ARHGAP32: variants seen among roughly 807,000 people sequenced by gnomAD.
The protein encoded by ARHGAP32 is Rho GTPase activating protein 32.
In ARHGAP32, 51 loss-of-function variants were observed where a neutral mutation model predicts 186.5. The observed-to-expected ratio is 0.27, with a 90% confidence interval of 0.22 to 0.35. The LOEUF (loss-of-function observed/expected upper bound fraction) is 0.35, where lower values mean the gene tolerates loss of function less well. Among genes scored for constraint, ARHGAP32 ranks in the 10% least tolerant of loss-of-function variants. The pLI is 1.00. For synonymous variants in ARHGAP32, 950 were observed against 964.3 expected (o/e 0.99, Z 0.27); for missense variants, 2,186 against 2,623.5 (o/e 0.83, Z 3.64).
At chr11:129,270,612 C>T (rs10894016) in intron 1 of ARHGAP32, among the ~76,000 whole-genome samples, 30,729 of 150,976 alleles carry the variant, frequency 0.2, 3,261 homozygotes, top group East Asian at 0.24. Context: ...AACAAATATG[C>T]GACTCTGATG....
chr11:129,142,586 T>TA (rs1221763992), intron 2 of ARHGAP32, among the ~76,000 whole-genome samples: 1 of 151,884 alleles, frequency 6.6e-6, no homozygotes, highest in East Asian at 1.9e-4. Flanking sequence ...TTAAGAACAA[T>TA]AAAACATCTG....
chr11:129,192,444 T>C (rs1944289129), upstream of ARHGAP32, among the ~76,000 whole-genome samples: 1 of 152,164 alleles, frequency 6.6e-6, no homozygotes, highest in Non-Finnish European at 1.5e-5. Context: ...GTGACCTACA[T>C]AACCAAAAGC....
intron 11 of ARHGAP32, among the ~76,000 whole-genome samples, chr11:129,011,868 G>T (rs992827244): frequency 2.6e-5 from 4 of 151,960 alleles, no homozygotes; most frequent in African/African-American, 7.3e-5. Flanking sequence ...CATAAGAAAG[G>T]ATGAGGAATA....
intron 11 of ARHGAP32, among the ~76,000 whole-genome samples, chr11:129,019,261 A>G (rs1406463397): frequency 2.0e-5 from 3 of 152,206 alleles, no homozygotes; most frequent in Non-Finnish European, 4.4e-5. Flanking sequence ...CAGATAGTCA[A>G]CAAAAATTGA....
intron 5 of ARHGAP32, among the ~76,000 whole-genome samples, chr11:129,113,207 TCACTTTTTA>T (rs1355128750): frequency 1.3e-5 from 2 of 152,174 alleles, no homozygotes; most frequent in Non-Finnish European, 2.9e-5. Context: ...CCATAAGAGA[TCACTTTTTA>T]CTGCAATACA....
rs368445293 is a variant in ARHGAP32 at position 128,971,429 on chromosome 11, A to C, written c.4054-270T>G. ...GCGAGATGAGGTTGCCTATGGCATAATTTTAATATACAAACCAAAAGAGAG... is the reference window on the plus strand; with the variant it reads ...GCGAGATGAGGTTGCCTATGGCATACTTTTAATATACAAACCAAAAGAGAG... On this transcript the variant is annotated intron_variant, in intron 22 of 22. Coordinates refer to ENST00000682385, the MANE Select transcript of ARHGAP32 (RefSeq NM_001378024.1). 22 of 397,868 alleles carry C rather than the reference A, an allele frequency of 5.5e-5. 1 individual carries two copies. The highest frequency in any genetic ancestry group is 2.5e-4 in the East Asian group (6 of 24,188). 24.6% of individuals were successfully genotyped at this position (397,868 alleles called of 1,614,324 possible).
chr11:129,134,285 G>A (rs1186701257), intron 2 of ARHGAP32, among the ~76,000 whole-genome samples: 2 of 151,928 alleles, frequency 1.3e-5, no homozygotes, highest in Non-Finnish European at 2.9e-5. Context: ...AAGGTCTATA[G>A]TACTTAATGA....
intron 2 of ARHGAP32, among the ~76,000 whole-genome samples, chr11:129,161,509 TC>T (rs1427398122): frequency 1.3e-5 from 2 of 151,658 alleles, no homozygotes; most frequent in Admixed American, 6.6e-5. Context: ...CAGACACTTC[TC>T]AAAAGAAGAC....
chr11:129,045,311 C>T (rs1048566428), intron 10 of ARHGAP32, among the ~76,000 whole-genome samples: 1 of 152,200 alleles, frequency 6.6e-6, no homozygotes, highest in East Asian at 1.9e-4. Flanking sequence ...GCTGAGAGAA[C>T]CTTAGAGACT....
At chr11:129,190,209 C>T (rs1394334568) in intron 1 of ARHGAP32, among the ~76,000 whole-genome samples, 1 of 152,192 alleles carries the variant, frequency 6.6e-6, no homozygotes, top group Non-Finnish European at 1.5e-5. Flanking sequence ...CCGACCCTTC[C>T]CCTTCCACAC....
intron 10 of ARHGAP32, among the ~76,000 whole-genome samples, chr11:129,061,294 T>A (rs539628248): frequency 1.3e-5 from 2 of 152,182 alleles, no homozygotes; most frequent in Non-Finnish European, 2.9e-5. Flanking sequence ...AGTTGCTAAG[T>A]CAGTCTAATA....
Position 128,968,031 on chromosome 11 carries a change from T to A in ARHGAP32, c.*876A>T, listed in dbSNP as rs1208521406. 4.1e-5 allele frequency: 6 copies of A among 145,320 alleles called. No individual in the cohort carries two copies. The highest frequency in any genetic ancestry group is 1.5e-4 in the African/African-American group (6 of 38,822). 9.0% of individuals were successfully genotyped at this position (145,320 alleles called of 1,614,324 possible). On this transcript the variant is annotated 3_prime_UTR_variant, in exon 23 of 23. Transcript: ENST00000682385. ...CAATTCACCAAATCTTATTGAGGGG[T>A]GGGGTAAGAAGAAAACCTGAAGGCA...
At chr11:129,012,967 C>T (rs986646804) in intron 11 of ARHGAP32, among the ~76,000 whole-genome samples, 22 of 152,306 alleles carry the variant, frequency 1.4e-4, no homozygotes, top group African/African-American at 5.3e-4. Flanking sequence ...TACACAATAA[C>T]ACCTCACTAG....
At position 129,133,816 on chromosome 11, in the gene ARHGAP32, C is replaced by G. The variant is rs542923446; in HGVS notation, c.226-8922G>C. Among the ~76,000 whole-genome samples the G allele has an allele frequency of 3.3e-5, 5 of 152,152 alleles. No homozygotes were observed. In the South Asian group the frequency reaches 1.0e-3, roughly 32 times the overall value. ...CAGGTTAACTGAAATTTGGCCCTTC[C>G]GGCATGAAGAGAGAACAACAGAAAT... On this transcript the variant is annotated intron_variant, in intron 2 of 22. Coordinates refer to ENST00000682385, the MANE Select transcript of ARHGAP32 (RefSeq NM_001378024.1).
Position 128,974,751 on chromosome 11 carries a change from A to G in ARHGAP32, c.2446T>C (p.Cys816Arg). The change falls in exon 21 of 23, where the codon TGT (cysteine) becomes CGT (arginine). Residue 816 changes from cysteine (C) to arginine (R), a missense_variant. This residue lies in a region of ARHGAP32 where 263 missense variants were observed against 323.5 expected (regional missense o/e 0.81). Transcript: ENST00000682385. Reference protein sequence around the residue: ...SLDFDPMSFQCSPPKAESECL... With the variant: ...SLDFDPMSFQRSPPKAESECL... ...TCTGATTCGGCCTTAGGAGGACTACATTGAAATGACATTGGATCAAAATCC... is the reference window on the plus strand; with the variant it reads ...TCTGATTCGGCCTTAGGAGGACTACGTTGAAATGACATTGGATCAAAATCC... 1 of 1,614,222 alleles carries G rather than the reference A, an allele frequency of 6.2e-7. No individual in the cohort carries two copies.
intron 6 of ARHGAP32, among the ~76,000 whole-genome samples, chr11:129,085,116 T>A (rs994671140): frequency 6.6e-6 from 1 of 151,982 alleles, no homozygotes; most frequent in African/African-American, 2.4e-5. Flanking sequence ...CTCAATGTAC[T>A]AGGCTTAAGC....
intron 10 of ARHGAP32, among the ~76,000 whole-genome samples, chr11:129,053,814 C>G (rs531064735): frequency 2.0e-5 from 3 of 152,214 alleles, no homozygotes; most frequent in Admixed American, 2.0e-4. Context: ...TGAAAACTCA[C>G]AGTATAATAT....
At chr11:128,993,256 C>A (rs1028731740) in intron 12 of ARHGAP32, 4 of 152,096 alleles carry the variant, frequency 2.6e-5, no homozygotes, top group Non-Finnish European at 5.9e-5. Flanking sequence ...GAATGCTTCA[C>A]GAATTTGTGT....
At chr11:129,216,669 TAAAAAAAA>T (rs201308944) in intron 1 of ARHGAP32, among the ~76,000 whole-genome samples, 27,626 of 119,072 alleles carry the variant, frequency 0.23, 2,853 homozygotes, top group South Asian at 0.26. Context: ...AGACTGTCTT[TAAAAAAAA>T]AAAAAAAAAA....
Sources: gnomAD v4.1 joint callset for allele counts (sites outside exome capture counted in the v4.1 genomes callset) on GRCh38, gnomAD v4.1.1 for gene constraint, gnomAD v4.1.1 regional missense constraint, MANE v1.5 for transcripts, NCBI Gene and HGNC (gene_info 2026-07-23, HGNC 2026-07-21) for gene names.